The following ADAP1 variants were observed in gnomAD, a reference collection of about 807,000 sequenced individuals.
ADAP1 encodes arf-GAP with dual PH domain-containing protein 1.
In ADAP1, 31 loss-of-function variants were observed where a neutral mutation model predicts 54.9. The ratio of observed to expected loss-of-function variants is 0.56; its 90% CI spans 0.42 to 0.76. The LOEUF is 0.76. Ranked by LOEUF, ADAP1 falls within the 30% of genes least tolerant of loss-of-function variation. The probability of loss-of-function intolerance (pLI) is 0.00; values close to 1 mark genes in which losing one functional copy is unlikely to be tolerated. For synonymous variants in ADAP1, 313 were observed against 202.6 expected (o/e 1.55, Z -4.63); for missense variants, 535 against 512.4 (o/e 1.04, Z -0.42).
intron 4 of ADAP1, chr7:905,707 A>AGG (rs1845202945): frequency 8.0e-6 from 1 of 125,606 alleles, no homozygotes; most frequent in African/African-American, 3.5e-5. Context: ...GAAAGGAGAA[A>AGG]GGAGAAAGGA....
At chr7:908,468 T>A (rs1845572240) in intron 4 of ADAP1, among the ~76,000 whole-genome samples, 1 of 152,044 alleles carries the variant, frequency 6.6e-6, no homozygotes, top group Non-Finnish European at 1.5e-5. Flanking sequence ...TCCCCAAGCC[T>A]CTACAAGGCT....
Position 899,015 on chromosome 7 carries a change from G to GCCGC in ADAP1, c.1096+14_1096+17dup, listed in dbSNP as rs756429910. 1.8e-5 allele frequency: 29 copies of GCCGC among 1,609,378 alleles called. No homozygotes were observed. The Admixed American group carries it at 4.2e-4, about 23-fold the overall frequency. On this transcript the variant is annotated intron_variant, in intron 10 of 10. Coordinates refer to ENST00000265846, the MANE Select transcript of ADAP1 (RefSeq NM_006869.4). ...AGCTGGGAGCCCTTCCAGGCCGCCG[G>GCCGC]CCGCCCGCCCCCCTCACCTGCGTAC...
Position 899,195 on chromosome 7 carries a change from A to G in ADAP1, c.934T>C (p.Phe312Leu), listed in dbSNP as rs1342729000. 2 of 1,612,546 alleles carry G rather than the reference A, an allele frequency of 1.2e-6. No homozygotes were observed. Among genetic ancestry groups the G allele is most frequent in the Admixed American group, 1.7e-5 (1 of 60,036 alleles). ...KESGYTVLHG[F>L]PPSTQGHHWP... is the part of the protein sequence containing the mutation. ...TGGTGGCCCTGGGTGGACGGCGGGA[A>G]CCCATGCAGCACCGTGTAGCCACTC... The change falls in exon 10 of 11, where the codon TTC becomes CTC. Residue 312 changes from phenylalanine (F) to leucine (L), a missense_variant. Phe to Leu is a conservative substitution (Grantham distance 22, BLOSUM62 0). Transcript: ENST00000265846.
intron 6 of ADAP1, 28 bp from the exon 7 acceptor site, chr7:900,644 G>C: frequency 6.7e-7 from 1 of 1,488,980 alleles, no homozygotes. Flanking sequence ...CACAGGCTTG[G>C]GCTGAGGAGG....
chr7:927,787 C>T (rs1164901576), intron 2 of ADAP1, among the ~76,000 whole-genome samples: 1 of 152,118 alleles, frequency 6.6e-6, no homozygotes, highest in African/African-American at 2.4e-5. Flanking sequence ...AGGACGAGAG[C>T]CTCGACCCGA....
chr7:908,188 A>G (rs1845559987), intron 4 of ADAP1, among the ~76,000 whole-genome samples: 1 of 152,148 alleles, frequency 6.6e-6, no homozygotes, highest in Non-Finnish European at 1.5e-5. Flanking sequence ...AGCCCCCTGC[A>G]GCAGCCAACA....
chr7:930,117 A>C (rs1390868500), intron 2 of ADAP1, among the ~76,000 whole-genome samples: 4 of 150,228 alleles, frequency 2.7e-5, no homozygotes, highest in African/African-American at 9.8e-5. Flanking sequence ...AAAAAAAAAA[A>C]AAAAAAAAAA....
chr7:947,647 C>T (rs1230200383), intron 1 of ADAP1, among the ~76,000 whole-genome samples: 1 of 152,128 alleles, frequency 6.6e-6, no homozygotes, highest in Non-Finnish European at 1.5e-5. Flanking sequence ...ACGATCCAGG[C>T]TTTGACCCTC....
chr7:933,469 TCAGTGGTGCTGGAGAGCCGGGGGCCGGG>T (rs1846648460), intron 2 of ADAP1, among the ~76,000 whole-genome samples: 1 of 48,930 alleles, frequency 2.0e-5, no homozygotes, highest in Admixed American at 2.6e-4. Context: ...GGGGCAGGGG[TCAGTGGTGCTGGAGAGCCGGGGGCCGGG>T]GTCAGTGGTG....
At chr7:914,776 C>A (rs990815354) in intron 4 of ADAP1, among the ~76,000 whole-genome samples, 4 of 152,188 alleles carry the variant, frequency 2.6e-5, no homozygotes, top group African/African-American at 9.7e-5. Context: ...CTGCACAGCA[C>A]CCAGAGACAG....
At chr7:905,613 A>AG (rs1845181917) in intron 4 of ADAP1, 1 of 163,842 alleles carries the variant, frequency 6.1e-6, no homozygotes, top group African/African-American at 2.6e-5. Flanking sequence ...GAAAGGAGAA[A>AG]GGAGAAAGGG....
chr7:918,509 G>A (rs1020996988), intron 4 of ADAP1, among the ~76,000 whole-genome samples: 1 of 152,160 alleles, frequency 6.6e-6, no homozygotes, highest in Non-Finnish European at 1.5e-5. Flanking sequence ...TCCCGACCTC[G>A]TGTTCCGCCA....
intron 2 of ADAP1, among the ~76,000 whole-genome samples, chr7:928,690 C>T (rs1177210408): frequency 6.6e-6 from 1 of 152,228 alleles, no homozygotes. Flanking sequence ...ATGGCAAGGT[C>T]AAAGTGGCAC....
intron 3 of ADAP1, among the ~76,000 whole-genome samples, chr7:924,931 G>T (rs535284243): frequency 2.4e-4 from 36 of 152,206 alleles, no homozygotes; most frequent in African/African-American, 8.2e-4. Context: ...CCCCTGTGAG[G>T]GCTCAGGGGG....
upstream of ADAP1, chr7:955,292 C>T: frequency 1.3e-6 from 2 of 1,549,978 alleles, no homozygotes; most frequent in Middle Eastern, 1.7e-4. Context: ...TTTGATGTCA[C>T]CTCTTCCCAG....
At chr7:912,545 G>A (rs183786800) in intron 4 of ADAP1, among the ~76,000 whole-genome samples, 167 of 152,298 alleles carry the variant, frequency 1.1e-3, no homozygotes, top group Non-Finnish European at 2.2e-3. Context: ...GGGCCACAGC[G>A]ACGCACCTTC....
At chr7:948,769 T>C (rs994943133) in intron 1 of ADAP1, among the ~76,000 whole-genome samples, 1 of 152,096 alleles carries the variant, frequency 6.6e-6, no homozygotes, top group African/African-American at 2.4e-5. Flanking sequence ...TGATCTCGGC[T>C]CTCTGCAACC....
At position 935,147 on chromosome 7, in the gene ADAP1, C is replaced by G. The variant is rs536857714; in HGVS notation, c.213+228G>C. 7.3e-6 allele frequency: 5 copies of G among 684,678 alleles called. No homozygotes were observed. The East Asian group carries it at 1.5e-4, about 21-fold the overall frequency. 42.4% of individuals were successfully genotyped at this position (684,678 alleles called of 1,614,324 possible). ...TCGCTCCCTGGCCCACCACACACACCTGGAGCTGCTCACAGAGAGGTTGGA... is the reference window on the plus strand; with the variant it reads ...TCGCTCCCTGGCCCACCACACACACGTGGAGCTGCTCACAGAGAGGTTGGA... On this transcript the variant is annotated intron_variant, in intron 2 of 10. Transcript: ENST00000265846.
intron 4 of ADAP1, among the ~76,000 whole-genome samples, chr7:911,480 C>T (rs1393300125): frequency 6.6e-6 from 1 of 152,128 alleles, no homozygotes; most frequent in African/African-American, 2.4e-5. Flanking sequence ...CACACAGGGG[C>T]CCCAGCGCCC....
Sources: gnomAD v4.1 joint callset for allele counts (sites outside exome capture counted in the v4.1 genomes callset) on GRCh38, gnomAD v4.1.1 for gene constraint, MANE v1.5 for transcripts, NCBI Gene and HGNC (gene_info 2026-07-23, HGNC 2026-07-21) for gene names.